PITPNC1: variants seen among roughly 807,000 people sequenced by gnomAD.
PITPNC1 encodes the protein cytoplasmic phosphatidylinositol transfer protein 1.
In PITPNC1, 18 loss-of-function variants were observed where a neutral mutation model predicts 44.7. The observed-to-expected ratio is 0.40, with a 90% CI of 0.28 to 0.60. The LOEUF is 0.60. PITPNC1 is among the 20% of genes least tolerant of loss of function. The pLI, the probability that PITPNC1 is intolerant of heterozygous loss-of-function variation, is 0.39. For missense variants in PITPNC1, 290 were observed against 418.4 expected (o/e 0.69, Z 2.68); for synonymous variants, 141 against 149.6 (o/e 0.94, Z 0.42).
chr17:67,536,573 G>A (rs2040533441), intron 2 of PITPNC1, among the ~76,000 whole-genome samples: 1 of 152,136 alleles, frequency 6.6e-6, no homozygotes, highest in Admixed American at 6.5e-5. Context: ...AAATATAAAG[G>A]TAATCTCTGA....
At chr17:67,471,540 G>T (rs1039169216) in intron 1 of PITPNC1, 1 of 371,166 alleles carries the variant, frequency 2.7e-6, no homozygotes. Context: ...TACTTTCAAT[G>T]GCAAAAACCA....
At chr17:67,446,215 G>A (rs2039091731) in intron 1 of PITPNC1, among the ~76,000 whole-genome samples, 1 of 151,918 alleles carries the variant, frequency 6.6e-6, no homozygotes, top group Non-Finnish European at 1.5e-5. Flanking sequence ...AAAGTGCTAG[G>A]ATTACAGGCG....
intron 4 of PITPNC1, among the ~76,000 whole-genome samples, chr17:67,575,874 CTTT>C (rs2041141241): frequency 1.1e-4 from 2 of 18,556 alleles, no homozygotes; most frequent in African/African-American, 3.0e-4. Context: ...TTCTTTCTTT[CTTT>C]CCTTTTTTTT....
At chr17:67,506,945 T>TA (rs1157680276) in intron 1 of PITPNC1, among the ~76,000 whole-genome samples, 8 of 152,212 alleles carry the variant, frequency 5.3e-5, no homozygotes, top group Non-Finnish European at 7.3e-5. Context: ...TTTGTTTTTT[T>TA]AAAAAAGTTT....
At chr17:67,585,127 A>AT (rs2041295603) in intron 5 of PITPNC1, among the ~76,000 whole-genome samples, 2 of 151,010 alleles carry the variant, frequency 1.3e-5, no homozygotes, top group Non-Finnish European at 3.0e-5. Flanking sequence ...AGAAAAAAAA[A>AT]AAAAAAAAAC....
chr17:67,641,783 A>AAGTAAT (rs376541356), intron 6 of PITPNC1, among the ~76,000 whole-genome samples: 2 of 135,930 alleles, frequency 1.5e-5, no homozygotes, highest in African/African-American at 5.5e-5. Flanking sequence ...CCCTACCTCA[A>AAGTAAT]AATAATAATA....
In PITPNC1 at chr17:67,443,010, A is replaced by G. The variant is rs149425238; in HGVS notation, c.48+64808A>G. ...AGTCCCCGCGGGCTCTGACCTACAC[A>G]GCTGCCAGTTACCTTCCTAACAGAC... On this transcript the variant is annotated intron_variant, in intron 1 of 8. Transcript: ENST00000581322. 3.1e-3 allele frequency among the ~76,000 whole-genome samples: 469 copies of G among 152,128 alleles called. 10 individuals are homozygous for G. The highest frequency in any genetic ancestry group is 0.01 in the Middle Eastern group (3 of 294).
chr17:67,472,848 C>T (rs1053851715), intron 1 of PITPNC1, among the ~76,000 whole-genome samples: 4 of 151,640 alleles, frequency 2.6e-5, no homozygotes, highest in Non-Finnish European at 4.4e-5. Flanking sequence ...AATTTGTGGA[C>T]ATATGCTAAA....
At chr17:67,664,623 G>A (rs1181316239) in intron 6 of PITPNC1, among the ~76,000 whole-genome samples, 2 of 152,112 alleles carry the variant, frequency 1.3e-5, no homozygotes, top group African/African-American at 4.8e-5. Context: ...AGACTTCATG[G>A]TCAGGCATGG....
intron 1 of PITPNC1, among the ~76,000 whole-genome samples, chr17:67,529,706 G>A (rs1238066182): frequency 6.6e-6 from 1 of 152,154 alleles, no homozygotes; most frequent in African/African-American, 2.4e-5. Context: ...CAGCACTTTG[G>A]GAGGCTGAGG....
chr17:67,388,866 C>T lies in PITPNC1; in HGVS notation c.48+10664C>T, dbSNP rs576591901. Among the ~76,000 whole-genome samples the T allele has an allele frequency of 4.6e-5, 7 of 152,308 alleles. No homozygotes were observed. The East Asian group carries it at 7.7e-4, about 17-fold the overall frequency. On this transcript the variant is annotated intron_variant, in intron 1 of 8. Transcript: ENST00000581322. ...AACTCCTGACCTCCGGTGATCCACC[C>T]GCCTCGGCCTCCCAAAGTGAGCCAC...
intron 5 of PITPNC1, among the ~76,000 whole-genome samples, chr17:67,593,679 G>C (rs1007166526): frequency 5.6e-4 from 86 of 152,268 alleles, no homozygotes; most frequent in African/African-American, 2.0e-3. Flanking sequence ...GATTACAGGC[G>C]TGAGCCATGT....
chr17:67,590,534 A>T (rs546470882), intron 5 of PITPNC1, among the ~76,000 whole-genome samples: 1 of 152,364 alleles, frequency 6.6e-6, no homozygotes, highest in South Asian at 2.1e-4. Context: ...TCATAATAGT[A>T]ATTGATTTAG....
intron 1 of PITPNC1, among the ~76,000 whole-genome samples, chr17:67,485,450 C>T (rs957283789): frequency 1.4e-4 from 21 of 151,084 alleles, no homozygotes; most frequent in African/African-American, 4.2e-4. Context: ...CAGCAACCTC[C>T]GCCTCCTGGA....
intron 1 of PITPNC1, among the ~76,000 whole-genome samples, chr17:67,413,847 T>G (rs2038546502): frequency 6.6e-6 from 1 of 152,038 alleles, no homozygotes; most frequent in South Asian, 2.1e-4. Context: ...CATAAGAAAA[T>G]GTCATCCAAG....
intron 5 of PITPNC1, among the ~76,000 whole-genome samples, chr17:67,604,203 T>C (rs1390659302): frequency 6.6e-6 from 1 of 152,188 alleles, no homozygotes; most frequent in Non-Finnish European, 1.5e-5. Context: ...ATAATGGGTG[T>C]TTATCAACTG....
chr17:67,411,970 ACTT>A (rs1464112429), intron 1 of PITPNC1, among the ~76,000 whole-genome samples: 3 of 152,196 alleles, frequency 2.0e-5, no homozygotes, highest in South Asian at 2.1e-4. Flanking sequence ...ATGGTACTGC[ACTT>A]CTTCTGGAAA....
intron 8 of PITPNC1, among the ~76,000 whole-genome samples, chr17:67,679,763 G>A (rs2042669487): frequency 6.6e-6 from 1 of 152,180 alleles, no homozygotes; most frequent in Non-Finnish European, 1.5e-5. Flanking sequence ...TGAGCCTTGG[G>A]TCTCTCTGCA....
At chr17:67,456,411 G>A (rs992595396) in intron 1 of PITPNC1, among the ~76,000 whole-genome samples, 2 of 152,210 alleles carry the variant, frequency 1.3e-5, no homozygotes, top group African/African-American at 2.4e-5. Context: ...ATTTCAGTCT[G>A]TTTGCATTTA....
Sources: gnomAD v4.1 joint callset for allele counts (sites outside exome capture counted in the v4.1 genomes callset) on GRCh38, gnomAD v4.1.1 for gene constraint, MANE v1.5 for transcripts, NCBI Gene and HGNC (gene_info 2026-07-23, HGNC 2026-07-21) for gene names.